RSF1: variants seen among roughly 807,000 people sequenced by gnomAD.
RSF1 encodes the protein remodeling and spacing factor 1.
In RSF1, 13 loss-of-function variants were observed where a neutral mutation model predicts 145.2. That is an observed-to-expected ratio of 0.09 (90% CI 0.06 to 0.14). RSF1 has a LOEUF of 0.14. RSF1 is among the 10% of genes least tolerant of loss of function. The pLI is 1.00. For synonymous variants in RSF1, 577 were observed against 592.6 expected (o/e 0.97, Z 0.38); for missense variants, 1,517 against 1,718.2 (o/e 0.88, Z 2.07).
the RSF1 span, among the ~76,000 whole-genome samples, chr11:77,865,611 A>G: frequency 6.6e-6 from 1 of 152,254 alleles, no homozygotes; most frequent in African/African-American, 2.4e-5. Flanking sequence ...CTTATCAGCT[A>G]TATGCCCCAG....
intron 1 of RSF1, among the ~76,000 whole-genome samples, chr11:77,806,840 C>G (rs1948682841): frequency 6.6e-6 from 1 of 151,192 alleles, no homozygotes; most frequent in African/African-American, 2.4e-5. Context: ...CAAGCTATAT[C>G]CAAAAGAAAA....
the RSF1 span, among the ~76,000 whole-genome samples, chr11:77,832,409 C>T: frequency 6.6e-6 from 1 of 150,594 alleles, no homozygotes. Flanking sequence ...TCGCTGCAAC[C>T]TCCGCCTCCC....
chr11:77,773,227 C>T (rs774771848), intron 1 of RSF1, among the ~76,000 whole-genome samples: 1 of 152,114 alleles, frequency 6.6e-6, no homozygotes, highest in African/African-American at 2.4e-5. Context: ...TAGTGTATTA[C>T]ATTATTTATT....
chr11:77,679,195 G>C (rs1393997058), intron 11 of RSF1, among the ~76,000 whole-genome samples: 3 of 152,168 alleles, frequency 2.0e-5, no homozygotes, highest in Non-Finnish European at 4.4e-5. Flanking sequence ...AATTTTCACA[G>C]GATATCATTT....
Position 77,702,095 on chromosome 11 carries a change from C to T in RSF1, c.1134G>A (p.Gln378=). 1 of 1,612,692 alleles carries T rather than the reference C, an allele frequency of 6.2e-7. No homozygotes were observed. The highest frequency in any genetic ancestry group is 1.1e-5 in the South Asian group (1 of 90,698). ...TEETEKLKND[Q]QAKIPLKKRE... ...GTTTTTTTAGTGGTATCTTGGCCTG[C>T]TGGTCATTTTTAAGTTTCTCAGTTT... Residue 378 remains glutamine, a synonymous_variant, in exon 6 of 16, where the codon CAG becomes CAA. Transcript: ENST00000308488.
chr11:77,722,292 G>A (rs1375840207), intron 5 of RSF1, among the ~76,000 whole-genome samples: 1 of 152,178 alleles, frequency 6.6e-6, no homozygotes, highest in East Asian at 1.9e-4. Flanking sequence ...TGTGTTGAGA[G>A]GTATAACATC....
intron 1 of RSF1, among the ~76,000 whole-genome samples, chr11:77,769,968 C>A (rs1034547245): frequency 6.6e-6 from 1 of 152,292 alleles, no homozygotes; most frequent in East Asian, 1.9e-4. Context: ...AGTTACTGCC[C>A]AGTTTTTAGA....
At chr11:77,834,441 GTTTT>G in the RSF1 span, among the ~76,000 whole-genome samples, 3 of 105,526 alleles carry the variant, frequency 2.8e-5, no homozygotes, top group East Asian at 8.7e-4. Context: ...AGTTGATTTT[GTTTT>G]TTTTTTTTTT....
In RSF1 at chr11:77,667,507, C is replaced by T. The variant is rs762104479; in HGVS notation, c.3752-16G>A. On this transcript the variant is annotated splice_polypyrimidine_tract_variant and intron_variant, in intron 15 of 15. Transcript: ENST00000308488. ...AAATAGCTCTCTAGAATAAACAGCACATTTAAGCCATTGGCACGGTTAACC... is the reference window on the plus strand; with the variant it reads ...AAATAGCTCTCTAGAATAAACAGCATATTTAAGCCATTGGCACGGTTAACC... 6.3e-7 allele frequency: 1 copy of T among 1,587,230 alleles called. No individual in the cohort carries two copies. The highest frequency in any genetic ancestry group is 8.6e-7 in the Non-Finnish European group (1 of 1,165,884).
chr11:77,789,844 C>G (rs915979637), intron 1 of RSF1, among the ~76,000 whole-genome samples: 1 of 152,220 alleles, frequency 6.6e-6, no homozygotes, highest in Non-Finnish European at 1.5e-5. Context: ...GACTGCTCAG[C>G]CCACCACTGT....
chr11:77,784,586 C>A (rs1948436100), intron 1 of RSF1, among the ~76,000 whole-genome samples: 1 of 152,010 alleles, frequency 6.6e-6, no homozygotes, highest in Non-Finnish European at 1.5e-5. Context: ...ATCAATGTTA[C>A]CATGCTGCTA....
upstream of RSF1, among the ~76,000 whole-genome samples, chr11:77,822,991 G>A (rs757256989): frequency 6.6e-6 from 1 of 152,092 alleles, no homozygotes; most frequent in Non-Finnish European, 1.5e-5. Flanking sequence ...CGAGACGGGC[G>A]GGTCACGAGG....
intron 5 of RSF1, among the ~76,000 whole-genome samples, chr11:77,717,069 T>C (rs1205278628): frequency 2.0e-5 from 3 of 151,488 alleles, no homozygotes; most frequent in Admixed American, 6.6e-5. Flanking sequence ...GCCCAGCTAC[T>C]TGGGGGTCTG....
At chr11:77,852,420 T>C in the RSF1 span, among the ~76,000 whole-genome samples, 1 of 152,038 alleles carries the variant, frequency 6.6e-6, no homozygotes, top group East Asian at 1.9e-4. Flanking sequence ...ATGTAAAATA[T>C]TTACATGATT....
the RSF1 span, among the ~76,000 whole-genome samples, chr11:77,842,808 C>T: frequency 6.6e-6 from 1 of 152,128 alleles, no homozygotes; most frequent in East Asian, 1.9e-4. Flanking sequence ...ATTCAATGCC[C>T]CTGTAGTGAC....
At chr11:77,794,487 A>T (rs1400558888) in intron 1 of RSF1, among the ~76,000 whole-genome samples, 1 of 152,160 alleles carries the variant, frequency 6.6e-6, no homozygotes, top group Non-Finnish European at 1.5e-5. Context: ...GTTCAAGACA[A>T]GCCCGGGCAA....
chr11:77,731,646 A>G (rs759252008), intron 4 of RSF1, among the ~76,000 whole-genome samples: 1 of 152,230 alleles, frequency 6.6e-6, no homozygotes, highest in Non-Finnish European at 1.5e-5. Context: ...TGTGCAGCCT[A>G]GGGACTTGGT....
At chr11:77,789,254 A>G (rs976246151) in intron 1 of RSF1, among the ~76,000 whole-genome samples, 2 of 152,162 alleles carry the variant, frequency 1.3e-5, no homozygotes, top group Non-Finnish European at 2.9e-5. Context: ...AGGTCCTGAA[A>G]CTAACAAAGG....
chr11:77,689,321 C>T (rs1960090032), intron 9 of RSF1, among the ~76,000 whole-genome samples: 1 of 152,150 alleles, frequency 6.6e-6, no homozygotes, highest in African/African-American at 2.4e-5. Flanking sequence ...TTGATGGCCG[C>T]CCCACTTTCT....
Sources: gnomAD v4.1 joint callset for allele counts (sites outside exome capture counted in the v4.1 genomes callset) on GRCh38, gnomAD v4.1.1 for gene constraint, MANE v1.5 for transcripts, NCBI Gene and HGNC (gene_info 2026-07-23, HGNC 2026-07-21) for gene names.